Variants in RAB38 observed in about 807,000 individuals in gnomAD.
The protein encoded by RAB38 is RAB38, member RAS oncogene family.
In RAB38, 15 loss-of-function variants were observed where a neutral mutation model predicts 18.4. That is an observed-to-expected ratio of 0.82 (90% CI 0.55 to 1.26). The LOEUF (loss-of-function observed/expected upper bound fraction) is 1.26, where lower values mean the gene tolerates loss of function less well. RAB38 is among the 50% of genes most tolerant of loss of function. The probability of loss-of-function intolerance (pLI) is 0.00; values close to 1 mark genes in which losing one functional copy is unlikely to be tolerated. For synonymous variants in RAB38, 101 were observed against 104.4 expected (o/e 0.97, Z 0.20); for missense variants, 294 against 267.4 (o/e 1.10, Z -0.69).
the RAB38 span, among the ~76,000 whole-genome samples, chr11:88,080,510 T>C: frequency 2.0e-5 from 3 of 151,944 alleles, no homozygotes; most frequent in South Asian, 6.2e-4. Flanking sequence ...CGAATCAAAA[T>C]TGTAGCACAT....
At chr11:87,811,994 C>T in the RAB38 span, among the ~76,000 whole-genome samples, 1 of 152,086 alleles carries the variant, frequency 6.6e-6, no homozygotes, top group Non-Finnish European at 1.5e-5. Context: ...CATTTTGTAT[C>T]CTTGTGGAAA....
At chr11:87,818,062 CA>C in the RAB38 span, among the ~76,000 whole-genome samples, 1 of 152,282 alleles carries the variant, frequency 6.6e-6, no homozygotes, top group Admixed American at 6.5e-5. Context: ...TACTATTTCT[CA>C]AGCTTTGCAT....
In RAB38 at chr11:88,134,237, A is replaced by ATTTAT. The variant is rs1942803918; in HGVS notation, c.483+15433_483+15437dup. Among the ~76,000 whole-genome samples, 4 of 152,024 alleles carry ATTTAT rather than the reference A, an allele frequency of 2.6e-5. No individual in the cohort carries two copies. In the Middle Eastern group the frequency reaches 0.01, roughly 388 times the overall value. ...ACCCCATTCAAAAACTGCCAACTCT[A>ATTTAT]TTTATTTTATTTTATTTTTTTGAGA... On this transcript the variant is annotated intron_variant, in intron 2 of 2. Coordinates refer to ENST00000243662, the MANE Select transcript of RAB38 (RefSeq NM_022337.3).
chr11:87,953,218 G>T, the RAB38 span, among the ~76,000 whole-genome samples: 2 of 152,090 alleles, frequency 1.3e-5, no homozygotes, highest in African/African-American at 4.8e-5. Flanking sequence ...ACATTCTCTG[G>T]GAAGAACAAT....
the RAB38 span, among the ~76,000 whole-genome samples, chr11:87,974,479 G>T: frequency 2.0e-5 from 3 of 151,762 alleles, no homozygotes; most frequent in South Asian, 6.2e-4. Flanking sequence ...AAAAACCTCA[G>T]TGACTTGTGA....
intron 1 of RAB38, chr11:88,173,788 T>C (rs1385145392): frequency 1.0e-6 from 1 of 985,294 alleles, no homozygotes; most frequent in Non-Finnish European, 1.2e-6. Context: ...CCCTTGCTAC[T>C]AGAGCAGCTG....
the RAB38 span, among the ~76,000 whole-genome samples, chr11:87,863,318 A>G: frequency 6.6e-6 from 1 of 151,852 alleles, no homozygotes; most frequent in African/African-American, 2.4e-5. Flanking sequence ...ATAATAACAT[A>G]CTGAAAGTGT....
At chr11:87,926,404 G>A in the RAB38 span, among the ~76,000 whole-genome samples, 4 of 152,076 alleles carry the variant, frequency 2.6e-5, no homozygotes, top group Non-Finnish European at 2.9e-5. Context: ...CTCAGCCATC[G>A]ACTTCCGGAA....
the RAB38 span, among the ~76,000 whole-genome samples, chr11:88,047,957 A>G: frequency 6.6e-6 from 1 of 152,076 alleles, no homozygotes; most frequent in Non-Finnish European, 1.5e-5. Flanking sequence ...TCATTTCATA[A>G]CCTCTTCCAT....
the RAB38 span, among the ~76,000 whole-genome samples, chr11:87,882,695 C>T: frequency 6.6e-6 from 1 of 151,828 alleles, no homozygotes; most frequent in Non-Finnish European, 1.5e-5. Flanking sequence ...GTCTCTATAG[C>T]TACACTCATT....
chr11:88,174,620 C>CAAA (rs60026669), intron 1 of RAB38, among the ~76,000 whole-genome samples: 528 of 100,894 alleles, frequency 5.2e-3, no homozygotes, highest in African/African-American at 8.4e-3. Flanking sequence ...AAGCAAAAAG[C>CAAA]AAAAAAAAAA....
At chr11:88,029,390 A>G in the RAB38 span, among the ~76,000 whole-genome samples, 1 of 152,008 alleles carries the variant, frequency 6.6e-6, no homozygotes, top group African/African-American at 2.4e-5. Context: ...TATTAACTTT[A>G]AATGTAAATG....
At chr11:87,891,756 A>G in the RAB38 span, among the ~76,000 whole-genome samples, 3 of 152,060 alleles carry the variant, frequency 2.0e-5, no homozygotes, top group African/African-American at 7.2e-5. Flanking sequence ...AACACTATAG[A>G]TAGGCCACTA....
At chr11:87,939,596 G>A in the RAB38 span, among the ~76,000 whole-genome samples, 1 of 152,110 alleles carries the variant, frequency 6.6e-6, no homozygotes, top group African/African-American at 2.4e-5. Context: ...GGTGACTCAC[G>A]CCTGTAATCT....
the RAB38 span, among the ~76,000 whole-genome samples, chr11:87,930,764 A>G: frequency 2.3e-4 from 35 of 152,174 alleles, no homozygotes; most frequent in Admixed American, 2.3e-3. Context: ...GAAGGGATCC[A>G]GTTTCAGCTT....
chr11:88,120,502 T>C (rs754450424), intron 2 of RAB38, among the ~76,000 whole-genome samples: 6 of 152,182 alleles, frequency 3.9e-5, no homozygotes, highest in African/African-American at 1.4e-4. Flanking sequence ...TGATGCCCTA[T>C]TGTATGAAAG....
At chr11:88,092,377 A>G in the RAB38 span, among the ~76,000 whole-genome samples, 498 of 12,072 alleles carry the variant, frequency 0.041, 63 homozygotes, top group Non-Finnish European at 0.092. Flanking sequence ...AGAGAGAGAG[A>G]GAGAGAGAGA....
the RAB38 span, among the ~76,000 whole-genome samples, chr11:87,894,782 A>T: frequency 6.7e-6 from 1 of 150,102 alleles, no homozygotes; most frequent in South Asian, 2.1e-4. Context: ...TGTACACATT[A>T]TATATCATAT....
At chr11:88,119,064 C>T (rs1047492234) in intron 2 of RAB38, among the ~76,000 whole-genome samples, 4 of 152,084 alleles carry the variant, frequency 2.6e-5, no homozygotes, top group African/African-American at 9.7e-5. Context: ...ACAATGAATC[C>T]TAGGAATAAA....
Sources: gnomAD v4.1 joint callset for allele counts (sites outside exome capture counted in the v4.1 genomes callset) on GRCh38, gnomAD v4.1.1 for gene constraint, MANE v1.5 for transcripts, NCBI Gene and HGNC (gene_info 2026-07-23, HGNC 2026-07-21) for gene names.